Variants in ZNF536 observed in about 807,000 individuals in gnomAD.
ZNF536 encodes zinc finger protein 536.
Under a neutral mutation model 84.5 loss-of-function variants are expected in ZNF536, and 13 were observed. That is an observed-to-expected ratio of 0.15 (90% confidence interval 0.10 to 0.24). The LOEUF is 0.24. ZNF536 is among the 10% of genes least tolerant of loss of function. The probability of loss-of-function intolerance (pLI) is 1.00; values close to 1 mark genes in which losing one functional copy is unlikely to be tolerated. For missense variants in ZNF536, 1,536 were observed against 1,747.5 expected (o/e 0.88, Z 2.16); for synonymous variants, 811 against 742.5 (o/e 1.09, Z -1.50).
At chr19:30,321,923 T>A (rs780389944) in intron 2 of ZNF536, among the ~76,000 whole-genome samples, 7 of 151,998 alleles carry the variant, frequency 4.6e-5, no homozygotes, top group Non-Finnish European at 8.8e-5. Context: ...ATTATAGGCG[T>A]GCACCACCAT....
At chr19:30,710,000 AT>A (rs756587135) in intron 1 of ZNF536, among the ~76,000 whole-genome samples, 8 of 152,200 alleles carry the variant, frequency 5.3e-5, no homozygotes, top group Non-Finnish European at 8.8e-5. Flanking sequence ...AATGAGAATA[AT>A]AGTAGTTCAT....
rs1341775276 is a variant in ZNF536, at chr19:30,443,664, G to A, written c.102G>A (p.Gln34=). 3.8e-5 allele frequency: 62 copies of A among 1,613,694 alleles called. No individual in the cohort carries two copies. The highest frequency in any genetic ancestry group is 5.2e-5 in the Non-Finnish European group (61 of 1,179,982). Residue 34 remains glutamine (Q), a synonymous_variant, in exon 2 of 5, where the codon CAG becomes CAA. Coordinates refer to ENST00000355537, the MANE Select transcript of ZNF536 (RefSeq NM_014717.3). ...PVLNGQYAMS[Q]KLHQITSQLS... ...TCAACGGCCAGTATGCCATGAGTCA[G>A]AAGCTGCACCAGATCACCTCCCAGC...
chr19:30,507,030 C>T (rs1272234717), intron 2 of ZNF536, among the ~76,000 whole-genome samples: 1 of 152,162 alleles, frequency 6.6e-6, no homozygotes, highest in African/African-American at 2.4e-5. Flanking sequence ...TCTGCTTTTG[C>T]CACTTAATAC....
intron 2 of ZNF536, among the ~76,000 whole-genome samples, chr19:30,484,114 C>T (rs1394961755): frequency 6.6e-6 from 1 of 152,118 alleles, no homozygotes; most frequent in Non-Finnish European, 1.5e-5. Flanking sequence ...TTCTCTCTCT[C>T]ACTCCCTCCT....
intron 1 of ZNF536, among the ~76,000 whole-genome samples, chr19:30,608,536 TCTTTACCCAG>T (rs1221697806): frequency 6.6e-6 from 1 of 152,120 alleles, no homozygotes; most frequent in Non-Finnish European, 1.5e-5. Flanking sequence ...AGGTGCCAGC[TCTTTACCCAG>T]CTGTAGGCTA....
intron 1 of ZNF536, among the ~76,000 whole-genome samples, chr19:30,431,368 T>G (rs1410954016): frequency 6.6e-6 from 1 of 152,170 alleles, no homozygotes; most frequent in East Asian, 1.9e-4. Flanking sequence ...CTCCATCTGT[T>G]AGCCTCAGCG....
At chr19:30,490,273 C>G (rs547202406) in intron 2 of ZNF536, among the ~76,000 whole-genome samples, 1 of 152,296 alleles carries the variant, frequency 6.6e-6, no homozygotes, top group East Asian at 1.9e-4. Flanking sequence ...GGTGAGATGA[C>G]TCCCTGTGGC....
chr19:30,605,278 C>G (rs2047829644), intron 1 of ZNF536, among the ~76,000 whole-genome samples: 1 of 151,906 alleles, frequency 6.6e-6, no homozygotes, highest in African/African-American at 2.4e-5. Context: ...TCTAGTGCAC[C>G]CATCACCCAA....
At chr19:30,257,782 G>A (rs1056838304) in intron 1 of ZNF536, among the ~76,000 whole-genome samples, 14 of 152,360 alleles carry the variant, frequency 9.2e-5, no homozygotes, top group Admixed American at 4.6e-4. Context: ...AGCTGATGCT[G>A]CTCCTGGGCG....
chr19:30,288,590 C>A (rs2145759147), intron 2 of ZNF536, among the ~76,000 whole-genome samples: 1 of 152,342 alleles, frequency 6.6e-6, no homozygotes, highest in Non-Finnish European at 1.5e-5. Context: ...ACCTCTCTGT[C>A]TGACAATGCA....
chr19:30,426,340 A>T (rs1467151499), intron 1 of ZNF536, among the ~76,000 whole-genome samples: 6 of 152,234 alleles, frequency 3.9e-5, no homozygotes, highest in Admixed American at 3.9e-4. Context: ...GTCATGTTAC[A>T]TCACATCAAC....
intron 1 of ZNF536, among the ~76,000 whole-genome samples, chr19:30,673,556 C>T (rs1261194129): frequency 6.6e-6 from 1 of 152,182 alleles, no homozygotes; most frequent in African/African-American, 2.4e-5. Context: ...TGGCCCTGGC[C>T]ACCCAGGCAC....
In ZNF536 at chr19:30,398,620, A is replaced by T. The variant is rs553182249; in HGVS notation, c.-3+26064A>T. 4.6e-5 allele frequency among the ~76,000 whole-genome samples: 7 copies of T among 152,120 alleles called. No homozygotes were observed. The East Asian group carries it at 1.4e-3, about 30-fold the overall frequency. ...TGTTCTCATTGTTCAGCTCCCACTT[A>T]TGAGTGAGAACATGCGGTGTTTGGT... On this transcript the variant is annotated intron_variant, in intron 1 of 4. Coordinates refer to ENST00000355537, the MANE Select transcript of ZNF536 (RefSeq NM_014717.3).
chr19:30,548,898 C>T lies in ZNF536; in HGVS notation c.3279C>T (p.Ser1093=), dbSNP rs147863190. ...AGGAGACTCTGGGAGAGCAGAAGAGCGGTGCATGGACCGGCCACGTGGACC... is the reference window on the plus strand; with the variant it reads ...AGGAGACTCTGGGAGAGCAGAAGAGTGGTGCATGGACCGGCCACGTGGACC... ...QLKETLGEQK[S]GAWTGHVDPA... The change falls in exon 4 of 5, where the codon AGC becomes AGT. Residue 1093 remains serine (S), a synonymous_variant. Coordinates refer to ENST00000355537, the MANE Select transcript of ZNF536 (RefSeq NM_014717.3). The T allele has an allele frequency of 7.9e-5, 127 of 1,614,146 alleles. 1 individual carries two copies. The highest frequency in any genetic ancestry group is 2.5e-4 in the East Asian group (11 of 44,850).
intron 1 of ZNF536, among the ~76,000 whole-genome samples, chr19:30,619,177 G>T (rs11670793): frequency 0.49 from 74,095 of 151,766 alleles, 18,319 homozygotes; most frequent in Middle Eastern, 0.53. Context: ...TGTGCATGTT[G>T]AATTCTGTTT....
chr19:30,677,117 C>A (rs2050781012), intron 1 of ZNF536, among the ~76,000 whole-genome samples: 1 of 152,148 alleles, frequency 6.6e-6, no homozygotes, highest in Non-Finnish European at 1.5e-5. Flanking sequence ...AATTATGAGC[C>A]CAAATTAATG....
At chr19:30,481,317 A>G (rs2054078067) in intron 2 of ZNF536, among the ~76,000 whole-genome samples, 1 of 152,082 alleles carries the variant, frequency 6.6e-6, no homozygotes, top group Non-Finnish European at 1.5e-5. Context: ...GTCTTTTCAA[A>G]TCTCATCTCT....
chr19:30,603,024 G>A (rs1431934896), intron 1 of ZNF536, among the ~76,000 whole-genome samples: 1 of 152,236 alleles, frequency 6.6e-6, no homozygotes, highest in Non-Finnish European at 1.5e-5. Flanking sequence ...GCATCAGTCT[G>A]TGAGGTGTGT....
intron 2 of ZNF536, among the ~76,000 whole-genome samples, chr19:30,463,548 G>A (rs2053251943): frequency 6.6e-6 from 1 of 152,156 alleles, no homozygotes; most frequent in South Asian, 2.1e-4. Context: ...CAGGGGTTGT[G>A]TTTTCTTCAG....
Sources: gnomAD v4.1 joint callset for allele counts (sites outside exome capture counted in the v4.1 genomes callset) on GRCh38, gnomAD v4.1.1 for gene constraint, MANE v1.5 for transcripts, NCBI Gene and HGNC (gene_info 2026-07-23, HGNC 2026-07-21) for gene names.